NXPH1: variants seen among roughly 807,000 people sequenced by gnomAD.
NXPH1 encodes neurexophilin-1.
In NXPH1, 5 loss-of-function variants were observed where a neutral mutation model predicts 23.7. The ratio of observed to expected loss-of-function variants is 0.21; its 90% CI spans 0.11 to 0.44. NXPH1 has a LOEUF of 0.44. Ranked by LOEUF, NXPH1 falls within the 20% of genes least tolerant of loss-of-function variation. NXPH1 has a pLI of 0.99. For missense variants in NXPH1, 324 were observed against 321.6 expected (o/e 1.01, Z -0.06); for synonymous variants, 144 against 122.2 (o/e 1.18, Z -1.18).
At chr7:8,734,557 T>G (rs547287595) in intron 2 of NXPH1, among the ~76,000 whole-genome samples, 38 of 152,274 alleles carry the variant, frequency 2.5e-4, no homozygotes, top group African/African-American at 8.4e-4. Context: ...CCTTGAGCAG[T>G]GATTTGTTAT....
chr7:8,669,992 C>T (rs1278065949), intron 2 of NXPH1, among the ~76,000 whole-genome samples: 1 of 152,184 alleles, frequency 6.6e-6, no homozygotes, highest in African/African-American at 2.4e-5. Context: ...TGACATCTTG[C>T]TGATCAGAAC....
intron 2 of NXPH1, among the ~76,000 whole-genome samples, chr7:8,586,299 G>A (rs992673101): frequency 1.3e-5 from 2 of 152,118 alleles, no homozygotes; most frequent in Non-Finnish European, 2.9e-5. Context: ...GAGGGAGGTT[G>A]TATAAATGGG....
intron 2 of NXPH1, among the ~76,000 whole-genome samples, chr7:8,472,435 A>C (rs954701537): frequency 6.6e-6 from 1 of 152,134 alleles, no homozygotes; most frequent in African/African-American, 2.4e-5. Context: ...CAAATGAGAG[A>C]CTGAGCCAAC....
chr7:8,436,098 A>G (rs1330410037), intron 2 of NXPH1, among the ~76,000 whole-genome samples: 1 of 152,210 alleles, frequency 6.6e-6, no homozygotes, highest in Non-Finnish European at 1.5e-5. Flanking sequence ...AGGAACTCTC[A>G]GTAGCTCATG....
intron 2 of NXPH1, among the ~76,000 whole-genome samples, chr7:8,732,286 A>G (rs1780171288): frequency 6.6e-6 from 1 of 152,238 alleles, no homozygotes; most frequent in African/African-American, 2.4e-5. Context: ...ATGGAAATGC[A>G]GAAATCACCT....
At chr7:8,555,919 A>C (rs1451714146) in intron 2 of NXPH1, among the ~76,000 whole-genome samples, 1 of 151,606 alleles carries the variant, frequency 6.6e-6, no homozygotes, top group South Asian at 2.1e-4. Flanking sequence ...TGGGCTTTCT[A>C]TCTGTACTTG....
intron 2 of NXPH1, among the ~76,000 whole-genome samples, chr7:8,547,958 T>C (rs958327042): frequency 2.0e-5 from 3 of 151,688 alleles, no homozygotes; most frequent in Admixed American, 6.6e-5. Flanking sequence ...ATACAAGTGC[T>C]GGTGTTTTTT....
At chr7:8,689,696 G>A (rs919274254) in intron 2 of NXPH1, among the ~76,000 whole-genome samples, 2 of 152,078 alleles carry the variant, frequency 1.3e-5, no homozygotes. Context: ...CTTCTGATTG[G>A]ACAAACTCAG....
chr7:8,648,157 A>G (rs1475904291), intron 2 of NXPH1, among the ~76,000 whole-genome samples: 1 of 152,224 alleles, frequency 6.6e-6, no homozygotes, highest in East Asian at 1.9e-4. Context: ...CCTTTGAGTT[A>G]CAAACAATCC....
rs1011004595 is a variant in NXPH1 at position 8,743,393 on chromosome 7, A to T, written c.55-7615A>T. Among the ~76,000 whole-genome samples, 4 of 149,868 alleles carry T rather than the reference A, an allele frequency of 2.7e-5. No individual in the cohort carries two copies. The Admixed American group carries it at 2.7e-4, about 10-fold the overall frequency. ...ACTTCTAGTTGAAGATTGTATATAT[A>T]AAAGAGATATACAAATGTTTGGAGA... On this transcript the variant is annotated intron_variant, in intron 2 of 2. Coordinates refer to ENST00000405863, the MANE Select transcript of NXPH1 (RefSeq NM_152745.3).
chr7:8,596,763 G>T (rs953107125), intron 2 of NXPH1, among the ~76,000 whole-genome samples: 5 of 152,110 alleles, frequency 3.3e-5, no homozygotes, highest in African/African-American at 1.2e-4. Context: ...GATAAAGGCT[G>T]ATGTTAGTAC....
intron 2 of NXPH1, among the ~76,000 whole-genome samples, chr7:8,535,271 A>G (rs533766390): frequency 2.0e-5 from 3 of 152,252 alleles, no homozygotes; most frequent in African/African-American, 7.2e-5. Context: ...AACAAAAAAA[A>G]GGAAACAATC....
chr7:8,633,383 G>A (rs575135647), intron 2 of NXPH1, among the ~76,000 whole-genome samples: 3 of 152,310 alleles, frequency 2.0e-5, no homozygotes, highest in Admixed American at 6.5e-5. Flanking sequence ...AGCCAAGATC[G>A]TGCCACTGTA....
intron 2 of NXPH1, among the ~76,000 whole-genome samples, chr7:8,622,315 A>C (rs903657968): frequency 6.6e-6 from 1 of 152,206 alleles, no homozygotes; most frequent in African/African-American, 2.4e-5. Flanking sequence ...AGACAATAAG[A>C]CTGCGATCAA....
At chr7:8,464,550 G>A (rs940169643) in intron 2 of NXPH1, among the ~76,000 whole-genome samples, 1 of 152,120 alleles carries the variant, frequency 6.6e-6, no homozygotes, top group African/African-American at 2.4e-5. Flanking sequence ...CCCTACACAT[G>A]CTCAAGGCAC....
At chr7:8,529,269 A>G (rs924517319) in intron 2 of NXPH1, among the ~76,000 whole-genome samples, 2 of 152,258 alleles carry the variant, frequency 1.3e-5, no homozygotes, top group African/African-American at 4.8e-5. Flanking sequence ...CCTTAATTAT[A>G]TACACAAAGT....
chr7:8,450,308 G>C (rs1480312729), intron 2 of NXPH1, among the ~76,000 whole-genome samples: 1 of 147,906 alleles, frequency 6.8e-6, no homozygotes. Context: ...GATTTAAAAG[G>C]GGATGCAAAT....
At chr7:8,617,699 A>G (rs1160029735) in intron 2 of NXPH1, among the ~76,000 whole-genome samples, 1 of 152,130 alleles carries the variant, frequency 6.6e-6, no homozygotes, top group African/African-American at 2.4e-5. Context: ...GGTACAAAAA[A>G]TAGAAAGAAC....
chr7:8,550,421 T>C (rs1818260084), intron 2 of NXPH1, among the ~76,000 whole-genome samples: 2 of 151,582 alleles, frequency 1.3e-5, no homozygotes, highest in Admixed American at 1.3e-4. Flanking sequence ...AACCCTTGGG[T>C]TCCACTGTTA....
Sources: gnomAD v4.1 joint callset for allele counts (sites outside exome capture counted in the v4.1 genomes callset) on GRCh38, gnomAD v4.1.1 for gene constraint, MANE v1.5 for transcripts, NCBI Gene and HGNC (gene_info 2026-07-23, HGNC 2026-07-21) for gene names.